Variants in GALNT12 observed in about 807,000 individuals in gnomAD.
GALNT12 encodes the protein polypeptide N-acetylgalactosaminyltransferase 12.
GALNT12 carries 45 observed loss-of-function variants against 55.5 expected under a neutral mutation model. The observed-to-expected ratio is 0.81, with a 90% CI of 0.64 to 1.04. The LOEUF (loss-of-function observed/expected upper bound fraction) is 1.04. GALNT12 is among the 50% of genes least tolerant of loss of function. The probability of loss-of-function intolerance (pLI) is 0.00; values close to 1 mark genes in which losing one functional copy is unlikely to be tolerated. For synonymous variants in GALNT12, 304 were observed against 312.2 expected (o/e 0.97, Z 0.28); for missense variants, 709 against 754.8 (o/e 0.94, Z 0.71).
chr9:98,838,774 C>T (rs1836216717), intron 6 of GALNT12, among the ~76,000 whole-genome samples: 1 of 152,236 alleles, frequency 6.6e-6, no homozygotes, highest in African/African-American at 2.4e-5. Context: ...CATCAGGCCA[C>T]TTCATGGAAG....
intron 9 of GALNT12, among the ~76,000 whole-genome samples, chr9:98,846,373 G>T (rs992731660): frequency 6.6e-6 from 1 of 152,074 alleles, no homozygotes; most frequent in Non-Finnish European, 1.5e-5. Context: ...GTCCCTTTTA[G>T]TCTTTTCCAT....
chr9:98,814,803 G>A (rs899444809), intron 1 of GALNT12, among the ~76,000 whole-genome samples: 1 of 152,178 alleles, frequency 6.6e-6, no homozygotes, highest in African/African-American at 2.4e-5. Context: ...TACCCAGTAG[G>A]GTTGTTAGGA....
At chr9:98,848,505 G>A (rs1056857364) in intron 9 of GALNT12, among the ~76,000 whole-genome samples, 2 of 152,206 alleles carry the variant, frequency 1.3e-5, no homozygotes, top group African/African-American at 4.8e-5. Flanking sequence ...CTCAGGCCAA[G>A]TGACTGGCTT....
chr9:98,807,678 C>G lies in GALNT12; in HGVS notation c.-21C>G. 1 of 1,118,000 alleles carries G rather than the reference C, an allele frequency of 8.9e-7. No individual in the cohort carries two copies. Among genetic ancestry groups the G allele is most frequent in the Non-Finnish European group, 1.1e-6 (1 of 917,372 alleles). The allele number at this position is 1,118,000 out of a possible 1,614,324, so 69.3% of individuals were successfully genotyped here. ...CCGCCGCCTTGGGGCGCGCAGATCG[C>G]TGGCTGCAGTTGGCGGGCGCATGTG... On this transcript the variant is annotated 5_prime_UTR_variant, in exon 1 of 10. Transcript: ENST00000375011.
Position 98,826,825 on chromosome 9 carries a change from A to C in GALNT12, c.615A>C (p.Arg205Ser), listed in dbSNP as rs1588446598. ...TGCGCCTGATCCGCGCCAACAAGAG[A>C]GAGGGCCTGGTGCGAGCCCGGCTGC... ...PKVRLIRANK[R>S]EGLVRARLLG... Residue 205 changes from arginine to serine, a missense_variant, in exon 3 of 10, where the codon AGA becomes AGC. This residue lies in a region of GALNT12 where 315 missense variants were observed against 288.6 expected (regional missense o/e 1.09). Transcript: ENST00000375011. The C allele has an allele frequency of 1.9e-6, 3 of 1,612,002 alleles. No homozygotes were observed. The highest frequency in any genetic ancestry group is 2.5e-6 in the Non-Finnish European group (3 of 1,179,630).
chr9:98,808,482 T>G (rs1024625451), intron 1 of GALNT12, among the ~76,000 whole-genome samples: 7 of 152,158 alleles, frequency 4.6e-5, no homozygotes, highest in African/African-American at 1.7e-4. Context: ...TCATTCTCTG[T>G]GTGTGCCAGG....
chr9:98,844,123 T>G lies in GALNT12; in HGVS notation c.1372T>G (p.Cys458Gly). Residue 458 changes from cysteine to glycine, a missense_variant, in exon 8 of 10, where the codon TGC (cysteine) becomes GGC (glycine). Cys to Gly is a radical substitution (Grantham distance 159, BLOSUM62 -3). Coordinates refer to ENST00000375011, the MANE Select transcript of GALNT12 (RefSeq NM_024642.5). The part of the protein sequence containing the change: ...MLQNKGLTDY[C>G]FDYNPPDENQ... Reference sequence around the variant, plus strand: ...CCAGAACAAAGGACTAACAGACTACTGCTTTGACTATAACCCTCCCGATGA... The same window carrying G: ...CCAGAACAAAGGACTAACAGACTACGGCTTTGACTATAACCCTCCCGATGA... 6.2e-7 allele frequency: 1 copy of G among 1,613,718 alleles called. No individual in the cohort carries two copies. Among genetic ancestry groups the G allele is most frequent in the Non-Finnish European group, 8.5e-7 (1 of 1,179,596 alleles).
intron 1 of GALNT12, among the ~76,000 whole-genome samples, chr9:98,816,861 T>C (rs1217316752): frequency 1.4e-5 from 2 of 146,602 alleles, no homozygotes; most frequent in Non-Finnish European, 3.0e-5. Flanking sequence ...CTTGCTCTGT[T>C]GCCCAGGCTG....
At chr9:98,842,143 G>T (rs935941122) in intron 7 of GALNT12, among the ~76,000 whole-genome samples, 4 of 151,502 alleles carry the variant, frequency 2.6e-5, no homozygotes, top group African/African-American at 4.9e-5. Flanking sequence ...AAACTAATGG[G>T]TGTTTAAATA....
Position 98,836,964 on chromosome 9 carries a change from G to C in GALNT12, c.1036-8G>C. On this transcript the variant is annotated splice_polypyrimidine_tract_variant and splice_region_variant and intron_variant, in intron 5 of 9. Transcript: ENST00000375011. ...CACCACCTGGCCTCTCCTTTTCTCT[G>C]TGTGCAGATCTGGCAGTGTGGTGGG... The C allele has an allele frequency of 1.2e-6, 2 of 1,614,022 alleles. No homozygotes were observed. The highest frequency in any genetic ancestry group is 1.7e-6 in the Non-Finnish European group (2 of 1,180,026).
rs112813762 is a variant in GALNT12 at position 98,843,981 on chromosome 9, G to A, written c.1345-115G>A. On this transcript the variant is annotated intron_variant, in intron 7 of 9. Coordinates refer to ENST00000375011, the MANE Select transcript of GALNT12 (RefSeq NM_024642.5). Reference sequence around the variant, plus strand: ...GTACAGAAAAGACTCTTACCTTTGCGTCTAGCTCTTGAAGCAGGCTCTCCT... The same window carrying A: ...GTACAGAAAAGACTCTTACCTTTGCATCTAGCTCTTGAAGCAGGCTCTCCT... The A allele has an allele frequency of 9.7e-4, 722 of 741,596 alleles. 3 individuals are homozygous for A. In the African/African-American group the frequency reaches 0.01, roughly 11 times the overall value. 45.9% of individuals were successfully genotyped at this position (741,596 alleles called of 1,614,324 possible).
At chr9:98,829,516 ATT>A (rs78378866) in intron 3 of GALNT12, among the ~76,000 whole-genome samples, 2,600 of 147,580 alleles carry the variant, frequency 0.018, 81 homozygotes, top group African/African-American at 0.061. Flanking sequence ...CAATTAAATT[ATT>A]TTTTTTTTTT....
rs555394877 is a variant in GALNT12 at position 98,849,475 on chromosome 9, G to A, written c.*383G>A. ...GGTATTTACAAGAATTCCCAGGTAC[G>A]AAGATATCTGCATGGGTGGAAATCA... On this transcript the variant is annotated 3_prime_UTR_variant, in exon 10 of 10. Transcript: ENST00000375011. 10 of 533,134 alleles carry A rather than the reference G, an allele frequency of 1.9e-5. No homozygotes were observed. Among genetic ancestry groups the A allele is most frequent in the South Asian group, 9.5e-5 (3 of 31,562 alleles). 33.0% of individuals were successfully genotyped at this position (533,134 alleles called of 1,614,324 possible).
intron 1 of GALNT12, among the ~76,000 whole-genome samples, chr9:98,821,257 G>T (rs1020097638): frequency 6.6e-6 from 1 of 152,114 alleles, no homozygotes; most frequent in South Asian, 2.1e-4. Context: ...TGATCTGCCG[G>T]CCTCAGCCTC....
At chr9:98,818,444 C>T (rs567273145) in intron 1 of GALNT12, among the ~76,000 whole-genome samples, 99 of 152,192 alleles carry the variant, frequency 6.5e-4, no homozygotes, top group Non-Finnish European at 1.2e-3. Flanking sequence ...AGGCTTGTCT[C>T]GAACTCCTGA....
chr9:98,842,142 G>T (rs1836305904), intron 7 of GALNT12, among the ~76,000 whole-genome samples: 1 of 151,554 alleles, frequency 6.6e-6, no homozygotes, highest in African/African-American at 2.4e-5. Context: ...TAAACTAATG[G>T]GTGTTTAAAT....
At chr9:98,842,113 CTCT>C (rs1192056038) in intron 7 of GALNT12, among the ~76,000 whole-genome samples, 3 of 141,430 alleles carry the variant, frequency 2.1e-5, no homozygotes, top group African/African-American at 7.9e-5. Context: ...TTGGCTTTTT[CTCT>C]TCTTGAGTGT....
At chr9:98,810,793 G>T (rs1005158782) in intron 1 of GALNT12, among the ~76,000 whole-genome samples, 1 of 152,150 alleles carries the variant, frequency 6.6e-6, no homozygotes, top group Non-Finnish European at 1.5e-5. Flanking sequence ...CAGTGGATTC[G>T]AGTATAGTTT....
chr9:98,807,869 C>A lies in GALNT12; in HGVS notation c.171C>A (p.Arg57=). The part of the protein sequence containing the change: ...AAEPGPPRTP[R]PGRREPVMPR... ...AGCCGGGACCCCCGCGCACCCCGCG[C>A]CCCGGGCGGCGCGAGCCGGTCATGC... The change falls in exon 1 of 10, where the codon CGC becomes CGA. Residue 57 remains arginine (R), a synonymous_variant. Transcript: ENST00000375011. 9.8e-7 allele frequency: 1 copy of A among 1,019,670 alleles called. No homozygotes were observed. The highest frequency in any genetic ancestry group is 1.2e-6 in the Non-Finnish European group (1 of 854,342). The allele number at this position is 1,019,670 out of a possible 1,614,324, so 63.2% of individuals were successfully genotyped here. A position where few individuals can be genotyped will look rare whatever the true frequency, so the allele number is the denominator to read the frequency against.
Sources: gnomAD v4.1 joint callset for allele counts (sites outside exome capture counted in the v4.1 genomes callset) on GRCh38, gnomAD v4.1.1 for gene constraint, gnomAD v4.1.1 regional missense constraint, MANE v1.5 for transcripts, NCBI Gene and HGNC (gene_info 2026-07-23, HGNC 2026-07-21) for gene names.